NSD1: variants seen among roughly 807,000 people sequenced by gnomAD.
NSD1 encodes the protein histone-lysine N-methyltransferase, H3 lysine-36 specific.
A neutral mutation model predicts 242.7 loss-of-function variants in NSD1; 26 were observed. The ratio of observed to expected loss-of-function variants is 0.11; its 90% CI spans 0.08 to 0.15. The LOEUF is 0.15. Ranked by LOEUF, NSD1 falls within the 10% of genes least tolerant of loss-of-function variation. The pLI is 1.00. For synonymous variants in NSD1, 1,106 were observed against 1,178.1 expected (o/e 0.94, Z 1.25); for missense variants, 2,495 against 3,272.8 (o/e 0.76, Z 5.80).
chr5:177,294,859 G>C lies in NSD1; in HGVS notation c.7491G>C (p.Leu2497=), dbSNP rs1228007082. Residue 2497 remains leucine (L), a synonymous_variant, in exon 23 of 23, where the codon CTG becomes CTC. Transcript: ENST00000439151. ...GTTCATGGCCTGCCAGCAAAGGTCTGGGGCATATGCCGAGAGCTGTTGAGA... is the reference window on the plus strand; with the variant it reads ...GTTCATGGCCTGCCAGCAAAGGTCTCGGGCATATGCCGAGAGCTGTTGAGA... ...ESSSWPASKG[L]GHMPRAVEKG... is the part of the protein sequence containing the mutation. The C allele has an allele frequency of 6.2e-7, 1 of 1,612,858 alleles. No homozygotes were observed. Among genetic ancestry groups the C allele is most frequent in the Non-Finnish European group, 8.5e-7 (1 of 1,179,966 alleles).
chr5:177,245,792 C>A (rs189481644), intron 9 of NSD1, among the ~76,000 whole-genome samples: 1 of 150,734 alleles, frequency 6.6e-6, no homozygotes, highest in Non-Finnish European at 1.5e-5. Flanking sequence ...TACTCCCTCA[C>A]GCCTGGCTAA....
rs147226070 is a variant in NSD1 at position 177,256,275 on chromosome 5, CTTTTTTT to C, written c.4766-657_4766-651del. Among the ~76,000 whole-genome samples the C allele has an allele frequency of 1.4e-4, 11 of 76,848 alleles. No individual in the cohort carries two copies. In the East Asian group the frequency reaches 3.3e-3, roughly 23 times the overall value. The allele number at this position is 76,848 out of a possible 152,430, so 50.4% of individuals were successfully genotyped here. ...TATCTTTAACAATACTGCCCCCACA[CTTTTTTT>C]TTTTTTTTTTTTTTTTTTGAGGCAG... On this transcript the variant is annotated intron_variant, in intron 12 of 22. Transcript: ENST00000439151.
chr5:177,178,319 C>T (rs150733111), intron 2 of NSD1, among the ~76,000 whole-genome samples: 3,964 of 152,132 alleles, frequency 0.026, 179 homozygotes, highest in African/African-American at 0.091. Context: ...CTCCGCCTCC[C>T]GGGTTCAAGT....
chr5:177,223,844 G>A (rs1307612946), intron 5 of NSD1, among the ~76,000 whole-genome samples: 1 of 151,954 alleles, frequency 6.6e-6, no homozygotes, highest in Non-Finnish European at 1.5e-5. Context: ...AAAGTAGTCA[G>A]GTGTAGTGAC....
chr5:177,231,949 G>T (rs1017156579), intron 5 of NSD1, among the ~76,000 whole-genome samples: 1 of 151,904 alleles, frequency 6.6e-6, no homozygotes, highest in African/African-American at 2.4e-5. Context: ...ATTCAGGCTT[G>T]AGTGTGGTGG....
chr5:177,172,980 AAAG>A (rs1265887219), intron 2 of NSD1, among the ~76,000 whole-genome samples: 2 of 151,110 alleles, frequency 1.3e-5, no homozygotes, highest in Non-Finnish European at 3.0e-5. Flanking sequence ...AAAAAAAAAA[AAAG>A]AATATTTTGT....
chr5:177,189,488 A>C (rs1417369881), intron 2 of NSD1, among the ~76,000 whole-genome samples: 2 of 152,218 alleles, frequency 1.3e-5, no homozygotes, highest in Non-Finnish European at 2.9e-5. Flanking sequence ...GTTATAGTTA[A>C]ATTTGTCATA....
intron 2 of NSD1, among the ~76,000 whole-genome samples, chr5:177,186,096 ATATAT>A (rs1462377557): frequency 8.1e-4 from 95 of 117,144 alleles, no homozygotes; most frequent in Admixed American, 5.3e-3. Flanking sequence ...TATATATAAC[ATATAT>A]TATATTATAT....
At chr5:177,265,308 T>C (rs887821711) in intron 14 of NSD1, 7 of 644,576 alleles carry the variant, frequency 1.1e-5, no homozygotes, top group Non-Finnish European at 1.9e-5. Flanking sequence ...AGCATGGGAA[T>C]AAATTATATA....
chr5:177,245,970 A>AT (rs1237528091), intron 9 of NSD1, among the ~76,000 whole-genome samples: 1 of 30,188 alleles, frequency 3.3e-5, no homozygotes. Flanking sequence ...TATTTTTTTT[A>AT]TTTATTTTTT....
At chr5:177,179,373 G>A (rs1004062557) in intron 2 of NSD1, among the ~76,000 whole-genome samples, 4 of 152,046 alleles carry the variant, frequency 2.6e-5, no homozygotes, top group Non-Finnish European at 5.9e-5. Flanking sequence ...GCGCCACCAC[G>A]CCCAGCTGAT....
chr5:177,273,563 TA>T, intron 16 of NSD1, 108 bp from the exon 17 acceptor site: 4 of 852,880 alleles, frequency 4.7e-6, no homozygotes, highest in Non-Finnish European at 8.0e-6. Flanking sequence ...GATTTTTGTG[TA>T]AAACATGGAG....
chr5:177,137,456 T>C (rs895712599), intron 2 of NSD1: 29 of 152,228 alleles, frequency 1.9e-4, no homozygotes, highest in African/African-American at 6.3e-4. Context: ...TGTGTCACTT[T>C]TGTTTCTGTT....
chr5:177,209,939 G>A lies in NSD1; in HGVS notation c.1540G>A (p.Gly514Ser). 6.2e-7 allele frequency: 1 copy of A among 1,614,062 alleles called. No individual in the cohort carries two copies. The highest frequency in any genetic ancestry group is 8.5e-7 in the Non-Finnish European group (1 of 1,180,004). The change falls in exon 5 of 23, where the codon GGC (glycine) becomes AGC (serine). Residue 514 changes from glycine (G) to serine (S), a missense_variant. Around this residue, in one of 19 missense-constraint regions of NSD1, gnomAD observed 515 missense variants for 467.0 expected, o/e 1.10. Coordinates refer to ENST00000439151, the MANE Select transcript of NSD1 (RefSeq NM_022455.5). ...TCCAAAAAGGACTAGTGTGAAAAAG[G>A]GCCACATACAATTTGAAGCACATAA... ...DNPKRTSVKK[G>S]HIQFEAHKDE...
chr5:177,182,694 T>C (rs1760792197), intron 2 of NSD1, among the ~76,000 whole-genome samples: 1 of 151,942 alleles, frequency 6.6e-6, no homozygotes, highest in African/African-American at 2.4e-5. Flanking sequence ...TGGAGTGCAA[T>C]GGCGCAATCT....
intron 2 of NSD1, among the ~76,000 whole-genome samples, chr5:177,138,322 C>T (rs1373237386): frequency 1.3e-5 from 2 of 152,074 alleles, no homozygotes; most frequent in East Asian, 3.9e-4. Context: ...GTGGCGCGAT[C>T]TCAGCTCACT....
chr5:177,275,601 T>G (rs1471846292), intron 17 of NSD1, among the ~76,000 whole-genome samples: 1 of 151,510 alleles, frequency 6.6e-6, no homozygotes, highest in Non-Finnish European at 1.5e-5. Flanking sequence ...ACCGGGCTAA[T>G]TTTTTGTATT....
intron 17 of NSD1, among the ~76,000 whole-genome samples, chr5:177,278,333 C>T (rs975586328): frequency 2.0e-5 from 3 of 152,196 alleles, no homozygotes; most frequent in African/African-American, 7.2e-5. Context: ...TGGTCTTGAA[C>T]TTCTGGGCTC....
chr5:177,275,225 C>T (rs1455499971), intron 17 of NSD1, among the ~76,000 whole-genome samples: 1 of 151,696 alleles, frequency 6.6e-6, no homozygotes, highest in African/African-American at 2.4e-5. Context: ...ATCTGATAAC[C>T]CTACCGAAAT....
Sources: gnomAD v4.1 joint callset for allele counts (sites outside exome capture counted in the v4.1 genomes callset) on GRCh38, gnomAD v4.1.1 for gene constraint, gnomAD v4.1.1 regional missense constraint, MANE v1.5 for transcripts, NCBI Gene and HGNC (gene_info 2026-07-23, HGNC 2026-07-21) for gene names.